Variants in CCNY observed in about 807,000 individuals in gnomAD.
CCNY encodes cyclin Y, also known as cyclin-Y.
CCNY carries 19 observed loss-of-function variants against 42.8 expected under a neutral mutation model. The ratio of observed to expected loss-of-function variants is 0.44; its 90% CI spans 0.31 to 0.65. The LOEUF is 0.65. CCNY is among the 30% of genes least tolerant of loss of function. The pLI is 0.07. For missense variants in CCNY, 370 were observed against 437.3 expected (o/e 0.85, Z 1.37); for synonymous variants, 165 against 162.7 (o/e 1.01, Z -0.11).
intron 1 of CCNY, among the ~76,000 whole-genome samples, chr10:35,358,049 C>T (rs995863140): frequency 4.3e-4 from 66 of 152,166 alleles, no homozygotes; most frequent in African/African-American, 1.5e-3. Context: ...TAATTTCTGG[C>T]AGGACATTTG....
intron 1 of CCNY, among the ~76,000 whole-genome samples, chr10:35,383,434 A>T (rs540778242): frequency 6.6e-6 from 1 of 151,926 alleles, no homozygotes; most frequent in East Asian, 1.9e-4. Flanking sequence ...CAGCCTCCCG[A>T]GTAGCTGGGA....
rs1171700799 is a variant in CCNY, at chr10:35,366,955, G to A, written c.154+29748G>A. ...ATTCCTTGAATGGTCTACCTGGAAT[G>A]CCAATTTAAGTGTGGAAGGAGGGAA... is the stretch of plus-strand genomic sequence containing the variant. On this transcript the variant is annotated intron_variant, in intron 1 of 9. Transcript: ENST00000374704. 1.3e-5 allele frequency among the ~76,000 whole-genome samples: 2 copies of A among 152,242 alleles called. 1 individual carries two copies. The highest frequency in any genetic ancestry group is 4.8e-5 in the African/African-American group (2 of 41,470).
At chr10:35,391,428 C>T (rs1055736015) in intron 1 of CCNY, among the ~76,000 whole-genome samples, 4 of 152,008 alleles carry the variant, frequency 2.6e-5, no homozygotes, top group Non-Finnish European at 2.9e-5. Context: ...AGCAGATGAC[C>T]GGAATGAGTC....
chr10:35,375,806 A>T (rs1837039798), intron 1 of CCNY, among the ~76,000 whole-genome samples: 1 of 152,190 alleles, frequency 6.6e-6, no homozygotes, highest in Non-Finnish European at 1.5e-5. Context: ...TCAGGAAGGG[A>T]AAGGAGGCGA....
At chr10:35,415,251 G>C (rs1384229273) in intron 1 of CCNY, among the ~76,000 whole-genome samples, 1 of 151,646 alleles carries the variant, frequency 6.6e-6, no homozygotes, top group Non-Finnish European at 1.5e-5. Flanking sequence ...AAAGACTTTT[G>C]GGTCCTTGAG....
rs576087719 is a variant in CCNY, at chr10:35,330,761, T to A, written c.-9+80135T>A. Reference sequence around the variant, plus strand: ...GCAGAGAAGAGGCAGCTTTTATTTTTTTTTTTTTTTTGAGATGGAGGCTCG... The same window carrying A: ...GCAGAGAAGAGGCAGCTTTTATTTTATTTTTTTTTTTGAGATGGAGGCTCG... On this transcript the variant is annotated intron_variant, in intron 3 of 11. Transcript: ENST00000374706. Among the ~76,000 whole-genome samples, 1,064 of 151,660 alleles carry A rather than the reference T, an allele frequency of 7.0e-3. 8 individuals carry two copies. The highest frequency in any genetic ancestry group is 0.019 in the African/African-American group (806 of 41,348).
intron 7 of CCNY, among the ~76,000 whole-genome samples, chr10:35,547,160 G>A (rs545402017): frequency 1.3e-5 from 2 of 152,162 alleles, no homozygotes; most frequent in African/African-American, 4.8e-5. Context: ...GAATTCCACT[G>A]AGCCTCACCT....
intron 1 of CCNY, among the ~76,000 whole-genome samples, chr10:35,410,776 A>G (rs986925153): frequency 2.0e-5 from 3 of 152,198 alleles, no homozygotes; most frequent in Non-Finnish European, 4.4e-5. Flanking sequence ...CTCAAACTGC[A>G]TCTGCATCAG....
intron 3 of CCNY, among the ~76,000 whole-genome samples, chr10:35,315,984 C>T (rs983770772): frequency 9.2e-5 from 14 of 152,192 alleles, no homozygotes; most frequent in Non-Finnish European, 1.3e-4. Context: ...ATATTGACTA[C>T]TCTATCCCAT....
chr10:35,552,782 C>G (rs1485346881), intron 7 of CCNY, among the ~76,000 whole-genome samples: 1 of 152,190 alleles, frequency 6.6e-6, no homozygotes, highest in Non-Finnish European at 1.5e-5. Context: ...GGAATTGTTT[C>G]CTCCACAGAG....
intron 3 of CCNY, among the ~76,000 whole-genome samples, chr10:35,295,705 T>C (rs1004894177): frequency 1.3e-5 from 2 of 152,180 alleles, no homozygotes; most frequent in African/African-American, 4.8e-5. Flanking sequence ...GTTCTCTTAA[T>C]CTTTTCAAAG....
At chr10:35,286,851 G>A (rs1159551796) in intron 3 of CCNY, among the ~76,000 whole-genome samples, 1 of 151,114 alleles carries the variant, frequency 6.6e-6, no homozygotes, top group Non-Finnish European at 1.5e-5. Context: ...GTAGAGACAG[G>A]GTTTTGTCAT....
chr10:35,500,330 G>A (rs748705721), intron 2 of CCNY, among the ~76,000 whole-genome samples: 34 of 152,258 alleles, frequency 2.2e-4, no homozygotes, highest in Non-Finnish European at 2.9e-4. Flanking sequence ...AGAGTGGAAG[G>A]CAGCATTCAT....
intron 3 of CCNY, among the ~76,000 whole-genome samples, chr10:35,281,157 T>C (rs1227568255): frequency 6.6e-6 from 1 of 152,110 alleles, no homozygotes; most frequent in Non-Finnish European, 1.5e-5. Context: ...GAAAATGCCA[T>C]TGTGGAAAAC....
At chr10:35,289,355 C>T (rs1835386889) in intron 3 of CCNY, 1 of 152,090 alleles carries the variant, frequency 6.6e-6, no homozygotes, top group African/African-American at 2.4e-5. Context: ...TCTTTCCAAC[C>T]AGTAAGCCTT....
In CCNY at chr10:35,569,346, C is replaced by T; in HGVS notation, c.*176C>T. Reference sequence around the variant, plus strand: ...GCAAGGCTTGGAGGAAGCGTCAGTGCCCTGGAGATCCCAGCTCGCTCTCCC... The same window carrying T: ...GCAAGGCTTGGAGGAAGCGTCAGTGTCCTGGAGATCCCAGCTCGCTCTCCC... On this transcript the variant is annotated 3_prime_UTR_variant, in exon 10 of 10. Transcript: ENST00000374704. The T allele has an allele frequency of 1.7e-6, 1 of 594,310 alleles. No homozygotes were observed. Among genetic ancestry groups the T allele is most frequent in the Non-Finnish European group, 3.0e-6 (1 of 332,598 alleles). 36.8% of individuals were successfully genotyped at this position (594,310 alleles called of 1,614,324 possible).
chr10:35,362,709 C>T (rs1836712177), intron 1 of CCNY, among the ~76,000 whole-genome samples: 1 of 152,258 alleles, frequency 6.6e-6, no homozygotes, highest in African/African-American at 2.4e-5. Context: ...GGTTGCACAG[C>T]AGCCAGAGGC....
At chr10:35,525,371 G>C (rs532923484) in intron 4 of CCNY, among the ~76,000 whole-genome samples, 7 of 152,098 alleles carry the variant, frequency 4.6e-5, no homozygotes, top group Non-Finnish European at 8.8e-5. Flanking sequence ...AAAAGAAAAA[G>C]TTCAGGGAAG....
At chr10:35,398,580 A>G (rs760282412) in intron 1 of CCNY, among the ~76,000 whole-genome samples, 1 of 151,700 alleles carries the variant, frequency 6.6e-6, no homozygotes, top group Non-Finnish European at 1.5e-5. Flanking sequence ...GGTGGTAGAA[A>G]TCGTTTACCA....
Sources: gnomAD v4.1 joint callset for allele counts (sites outside exome capture counted in the v4.1 genomes callset) on GRCh38, gnomAD v4.1.1 for gene constraint, MANE v1.5 for transcripts, NCBI Gene and HGNC (gene_info 2026-07-23, HGNC 2026-07-21) for gene names.